The following MAPRE2 variants were observed in gnomAD, a reference collection of about 807,000 sequenced individuals.
The protein encoded by MAPRE2 is microtubule associated protein RP/EB family member 2, also known as microtubule-associated protein RP/EB family member 2.
MAPRE2 carries 13 observed loss-of-function variants against 43.2 expected under a neutral mutation model. That is an observed-to-expected ratio of 0.30 (90% CI 0.20 to 0.48). MAPRE2 has a LOEUF of 0.48. MAPRE2 is among the 20% of genes least tolerant of loss of function. The pLI, the probability that MAPRE2 is intolerant of heterozygous loss-of-function variation, is 0.99. For synonymous variants in MAPRE2, 135 were observed against 148.8 expected (o/e 0.91, Z 0.68); for missense variants, 161 against 400.2 (o/e 0.40, Z 5.10).
intron 2 of MAPRE2, among the ~76,000 whole-genome samples, chr18:35,094,381 G>A (rs1908305194): frequency 6.6e-6 from 1 of 152,016 alleles, no homozygotes; most frequent in Non-Finnish European, 1.5e-5. Flanking sequence ...ATAAGAGGAG[G>A]GGAAATTATT....
intron 1 of MAPRE2, among the ~76,000 whole-genome samples, chr18:35,046,839 G>A (rs1239424247): frequency 6.6e-6 from 1 of 152,186 alleles, no homozygotes; most frequent in African/African-American, 2.4e-5. Context: ...GTTCCATAAT[G>A]AGACTGGTAC....
intron 1 of MAPRE2, among the ~76,000 whole-genome samples, chr18:34,981,887 A>ATTTTTTTTTTTT (rs1261290510): frequency 5.7e-5 from 2 of 34,784 alleles, no homozygotes; most frequent in African/African-American, 1.2e-4. Flanking sequence ...ATTTTTATTT[A>ATTTTTTTTTTTT]TTTTTTTTTT....
chr18:35,079,152 A>G (rs970215041), intron 2 of MAPRE2, among the ~76,000 whole-genome samples: 2 of 152,154 alleles, frequency 1.3e-5, no homozygotes, highest in African/African-American at 4.8e-5. Context: ...CTACATTTGA[A>G]TCCCAAGAAT....
intron 4 of MAPRE2, among the ~76,000 whole-genome samples, chr18:35,126,449 T>G (rs1011446912): frequency 2.6e-5 from 4 of 152,230 alleles, no homozygotes; most frequent in African/African-American, 9.6e-5. Context: ...GGAGTGCCAC[T>G]GCTATGGAGA....
intron 2 of MAPRE2, among the ~76,000 whole-genome samples, chr18:35,026,621 T>C (rs2097045374): frequency 6.6e-6 from 1 of 152,188 alleles, no homozygotes; most frequent in South Asian, 2.1e-4. Context: ...TCAGGTTTGT[T>C]CTTTCTCCCT....
chr18:35,075,428 G>C (rs1220010600), intron 2 of MAPRE2, among the ~76,000 whole-genome samples: 1 of 152,178 alleles, frequency 6.6e-6, no homozygotes, highest in Non-Finnish European at 1.5e-5. Flanking sequence ...AATCTGCTCA[G>C]AGTCTAAATT....
chr18:34,998,323 C>CTTTTTTTTTTTT (rs11339291), intron 1 of MAPRE2, among the ~76,000 whole-genome samples: 1 of 120,738 alleles, frequency 8.3e-6, no homozygotes, highest in Non-Finnish European at 1.7e-5. Context: ...TTTTCTCTCT[C>CTTTTTTTTTTTT]TTTTTTTTTT....
chr18:35,050,696 T>G (rs1905894714), intron 1 of MAPRE2, among the ~76,000 whole-genome samples: 1 of 152,158 alleles, frequency 6.6e-6, no homozygotes, highest in Non-Finnish European at 1.5e-5. Context: ...AATTGCCAAT[T>G]TTTTGGCCAC....
rs908565266 is a variant in MAPRE2 at position 35,105,119 on chromosome 18, C to T, written c.610+2960C>T. ...CCTCATCTGTCTTTCACAAAAGCTG[C>T]AGATAAACGTGTGCCATTTTGATAG... On this transcript the variant is annotated intron_variant, in intron 4 of 6. Transcript: ENST00000300249. Among the ~76,000 whole-genome samples, 6 of 152,102 alleles carry T rather than the reference C, an allele frequency of 3.9e-5. No homozygotes were observed. In the East Asian group the frequency reaches 1.2e-3, roughly 29 times the overall value.
At chr18:35,127,351 C>A in intron 5 of MAPRE2, 1 of 396,424 alleles carries the variant, frequency 2.5e-6, no homozygotes. Context: ...ACCTTCCCCT[C>A]CCCTGCTCCT....
intron 2 of MAPRE2, among the ~76,000 whole-genome samples, chr18:35,031,035 T>A (rs2097047588): frequency 6.6e-6 from 1 of 152,196 alleles, no homozygotes; most frequent in African/African-American, 2.4e-5. Flanking sequence ...GGTCACCCCA[T>A]TTAAAATTAC....
intron 2 of MAPRE2, among the ~76,000 whole-genome samples, chr18:35,014,847 T>A (rs1020010082): frequency 2.1e-4 from 32 of 152,170 alleles, no homozygotes; most frequent in African/African-American, 6.5e-4. Flanking sequence ...ATCTACACTA[T>A]GCTTAGTGCA....
chr18:35,076,267 A>G (rs192836811), intron 2 of MAPRE2, among the ~76,000 whole-genome samples: 12 of 152,242 alleles, frequency 7.9e-5, no homozygotes, highest in Non-Finnish European at 1.8e-4. Context: ...ATTGCCCTCA[A>G]ATAGCTCAGT....
chr18:35,010,499 T>C (rs1303512503), intron 2 of MAPRE2, among the ~76,000 whole-genome samples: 1 of 152,226 alleles, frequency 6.6e-6, no homozygotes, highest in Admixed American at 6.5e-5. Context: ...GGGTGCATCA[T>C]GGACACTCAG....
chr18:35,091,171 A>C (rs1351595842), intron 2 of MAPRE2, among the ~76,000 whole-genome samples: 1 of 152,252 alleles, frequency 6.6e-6, no homozygotes, highest in African/African-American at 2.4e-5. Context: ...ATAATGCTTC[A>C]AGATCTGAAA....
At chr18:35,002,658 C>A (rs1162191463) in intron 1 of MAPRE2, among the ~76,000 whole-genome samples, 1 of 152,102 alleles carries the variant, frequency 6.6e-6, no homozygotes, top group Non-Finnish European at 1.5e-5. Flanking sequence ...TATCTATAGG[C>A]TAATAATGTT....
chr18:35,089,201 A>G (rs1382016749), intron 2 of MAPRE2, among the ~76,000 whole-genome samples: 1 of 152,218 alleles, frequency 6.6e-6, no homozygotes. Context: ...GGAACTATGC[A>G]GTTTCTCAAA....
At chr18:35,137,129 A>G (rs1910425561) in intron 6 of MAPRE2, among the ~76,000 whole-genome samples, 1 of 152,154 alleles carries the variant, frequency 6.6e-6, no homozygotes, top group South Asian at 2.1e-4. Context: ...GTTCTGCCAG[A>G]CTCTCAGACT....
chr18:34,980,660 G>C (rs2097015750), intron 1 of MAPRE2, among the ~76,000 whole-genome samples: 2 of 152,066 alleles, frequency 1.3e-5, no homozygotes, highest in South Asian at 4.2e-4. Flanking sequence ...TGCTATGATA[G>C]CTTATTTGTT....
Sources: allele counts gnomAD v4.1 joint callset (sites outside exome capture counted in the v4.1 genomes callset), GRCh38; gene constraint gnomAD v4.1.1; transcripts MANE v1.5; gene names NCBI Gene and HGNC (gene_info 2026-07-23, HGNC 2026-07-21).